TTLL12: variants seen among roughly 807,000 people sequenced by gnomAD.
TTLL12 encodes the protein tubulin tyrosine ligase like 12.
TTLL12 carries 77 observed loss-of-function variants against 79.6 expected under a neutral mutation model. The ratio of observed to expected loss-of-function variants is 0.97; its 90% CI spans 0.81 to 1.17. The LOEUF is 1.17. Among genes scored for constraint, TTLL12 ranks in the 50% most tolerant of loss-of-function variants. The pLI is 0.00. For synonymous variants in TTLL12, 437 were observed against 376.1 expected (o/e 1.16, Z -1.87); for missense variants, 969 against 895.9 (o/e 1.08, Z -1.04).
rs1313728642 is a variant in TTLL12 at position 43,172,570 on chromosome 22, G to A, written c.1342-16C>T. 3 of 1,613,888 alleles carry A rather than the reference G, an allele frequency of 1.9e-6. No individual in the cohort carries two copies. Among genetic ancestry groups the A allele is most frequent in the East Asian group, 4.5e-5 (2 of 44,882 alleles). On this transcript the variant is annotated splice_polypyrimidine_tract_variant and intron_variant, in intron 9 of 13. Coordinates refer to ENST00000216129, the MANE Select transcript of TTLL12 (RefSeq NM_015140.4). ...TGGACACAACCTGGAGGACACAGGT[G>A]CAAGCTCGCTGGTGGCCAGGACAGA...
chr22:43,184,853 A>G (rs747995003), intron 1 of TTLL12, among the ~76,000 whole-genome samples: 77 of 152,222 alleles, frequency 5.1e-4, no homozygotes, highest in Non-Finnish European at 8.5e-4. Context: ...CCTTCATGGC[A>G]GGACTGGAAG....
chr22:43,178,260 AGCCCACCCCTGCAATCAGCAGC>A (rs765567441), intron 5 of TTLL12, among the ~76,000 whole-genome samples: 2 of 134,484 alleles, frequency 1.5e-5, no homozygotes, highest in African/African-American at 2.7e-5. Flanking sequence ...CCCCACCCAC[AGCCCACCCCTGCAATCAGCAGC>A]GCCCACACAA....
intron 5 of TTLL12, among the ~76,000 whole-genome samples, chr22:43,178,676 G>A (rs1250344215): frequency 1.3e-5 from 2 of 152,218 alleles, no homozygotes; most frequent in East Asian, 1.9e-4. Context: ...GAAACCCTCC[G>A]AGGCACTTAG....
Position 43,183,029 on chromosome 22 carries a change from T to TCTACA in TTLL12, c.297_298insTGTAG (p.Lys100CysfsTer6). 6.2e-7 allele frequency: 1 copy of TCTACA among 1,613,990 alleles called. No homozygotes were observed. Among genetic ancestry groups the TCTACA allele is most frequent in the Non-Finnish European group, 8.5e-7 (1 of 1,179,976 alleles). ...CCGCTCTCCCTGGTCACGATGACCT[T>TCTACA]GTAGCACAGCTCGTTCCCCGGGTTG... On this transcript the variant is annotated frameshift_variant, in exon 2 of 14. Transcript: ENST00000216129. LOFTEE classifies it high-confidence loss of function.
rs1455192892 is a variant in TTLL12 at position 43,172,387 on chromosome 22, C to A, written c.1493+16G>T. ...CCCAGCTCCCCGACCCTGGACCCAG[C>A]CGGCCCTCCACTTACCGGTTGGAGA... On this transcript the variant is annotated intron_variant, in intron 10 of 13. Coordinates refer to ENST00000216129, the MANE Select transcript of TTLL12 (RefSeq NM_015140.4). The A allele has an allele frequency of 6.2e-7, 1 of 1,613,236 alleles. No individual in the cohort carries two copies. Among genetic ancestry groups the A allele is most frequent in the Non-Finnish European group, 8.5e-7 (1 of 1,179,312 alleles).
In TTLL12 at chr22:43,174,344, A is replaced by T. The variant is rs1484515647; in HGVS notation, c.1094T>A (p.Leu365Gln). ...LLNQFPCENL[L>Q]TVKDCLASIA... is the part of the protein sequence containing the mutation. Reference sequence around the variant, plus strand: ...GGAGGCCAGGCAGTCCTTGACAGTCAGCAGGTTCTCGCAGGGGAACTGGTT... The same window carrying T: ...GGAGGCCAGGCAGTCCTTGACAGTCTGCAGGTTCTCGCAGGGGAACTGGTT... Residue 365 changes from leucine (L) to glutamine (Q), a missense_variant, in exon 8 of 14, where the codon CTG becomes CAG. Coordinates refer to ENST00000216129, the MANE Select transcript of TTLL12 (RefSeq NM_015140.4). The T allele has an allele frequency of 1.9e-6, 3 of 1,599,900 alleles. No individual in the cohort carries two copies. Among genetic ancestry groups the T allele is most frequent in the Non-Finnish European group, 2.6e-6 (3 of 1,171,328 alleles).
At chr22:43,168,625 G>A (rs1198947674) in intron 13 of TTLL12, 149 bp downstream of exon 13, 3 of 1,169,492 alleles carry the variant, frequency 2.6e-6, no homozygotes, top group South Asian at 2.9e-5. Flanking sequence ...ACTTCCTGTG[G>A]GCCAAGCCAG....
At chr22:43,179,491 T>G in intron 5 of TTLL12, 128 bp downstream of exon 5, 1 of 1,326,738 alleles carries the variant, frequency 7.5e-7, no homozygotes, top group Non-Finnish European at 9.9e-7. Flanking sequence ...CCCAAAACTC[T>G]ATGCCTCCCA....
rs151316744 is a variant in TTLL12, at chr22:43,167,177, G to A, written c.*831C>T. The A allele has an allele frequency of 5.3e-5, 28 of 531,724 alleles. No homozygotes were observed. In the East Asian group the frequency reaches 8.7e-4, roughly 17 times the overall value. 32.9% of individuals were successfully genotyped at this position (531,724 alleles called of 1,614,324 possible). On this transcript the variant is annotated 3_prime_UTR_variant, in exon 14 of 14. Transcript: ENST00000216129. ...ATCCTTTTCTGTCTGGCGCTCCACC[G>A]CCCACAATCAGCCCCAGCCCCAGGC... is the stretch of plus-strand genomic sequence containing the variant.
Position 43,174,552 on chromosome 22 carries a change from C to T in TTLL12, c.981G>A (p.Gln327=), listed in dbSNP as rs761839317. ...SLTHPRFTLT[Q]SEADADILFN... is the part of the protein sequence containing the mutation. The stretch of plus-strand genomic sequence containing the variant: ...AGAGGATGTCGGCGTCCGCCTCACT[C>T]TGGGTGAGGGTGAAGCGCGGGTGGG... The change falls in exon 7 of 14, where the codon CAG becomes CAA. Residue 327 remains glutamine, a synonymous_variant. Coordinates refer to ENST00000216129, the MANE Select transcript of TTLL12 (RefSeq NM_015140.4). 5.0e-6 allele frequency: 8 copies of T among 1,613,410 alleles called. No homozygotes were observed. The Admixed American group carries it at 1.2e-4, about 24-fold the overall frequency.
Position 43,167,094 on chromosome 22 carries a change from A to G in TTLL12, c.*914T>C. On this transcript the variant is annotated 3_prime_UTR_variant, in exon 14 of 14. Coordinates refer to ENST00000216129, the MANE Select transcript of TTLL12 (RefSeq NM_015140.4). ...CATTAAAAAATAAGAAAAAGCCAAC[A>G]TTTTGACTGTAGACCCTGGTAGGTG... 1 of 452,456 alleles carries G rather than the reference A, an allele frequency of 2.2e-6. No homozygotes were observed. The highest frequency in any genetic ancestry group is 1.7e-5 in the South Asian group (1 of 59,968). The allele number at this position is 452,456 out of a possible 1,614,324, so 28.0% of individuals were successfully genotyped here. A position where few individuals can be genotyped will look rare whatever the true frequency, so the allele number is the denominator to read the frequency against.
At chr22:43,177,790 C>T (rs1931953079) in intron 5 of TTLL12, among the ~76,000 whole-genome samples, 1 of 152,224 alleles carries the variant, frequency 6.6e-6, no homozygotes, top group African/African-American at 2.4e-5. Context: ...TTGAGCCACT[C>T]CTGAACTCCT....
At chr22:43,186,198 C>CG (rs953814883) in intron 1 of TTLL12, among the ~76,000 whole-genome samples, 3 of 148,576 alleles carry the variant, frequency 2.0e-5, no homozygotes, top group South Asian at 2.2e-4. Flanking sequence ...CACCCCCCCC[C>CG]CCGCCAGCCC....
rs1023440962 is a variant in TTLL12, at chr22:43,186,197, C to A, written c.177+696G>T. Among the ~76,000 whole-genome samples, 3 of 148,340 alleles carry A rather than the reference C, an allele frequency of 2.0e-5. 1 individual carries two copies. The highest frequency in any genetic ancestry group is 3.9e-4 in the East Asian group (2 of 5,136). ...TCCCAGCTAAAGAAAACACCCCCCC[C>A]CCCGCCAGCCCGGGAAGGTGCTGTG... On this transcript the variant is annotated intron_variant, in intron 1 of 13. Transcript: ENST00000216129.
chr22:43,170,671 G>A (rs1407291108), intron 11 of TTLL12, among the ~76,000 whole-genome samples: 2 of 152,210 alleles, frequency 1.3e-5, no homozygotes, highest in African/African-American at 4.8e-5. Context: ...AGCACTTTAG[G>A]AGGCTGAGGC....
chr22:43,168,970 G>C (rs1350922484), intron 12 of TTLL12, 58 bp from the exon 13 acceptor site: 23 of 1,541,898 alleles, frequency 1.5e-5, no homozygotes, highest in Non-Finnish European at 1.9e-5. Flanking sequence ...TCAAGAGGGG[G>C]TCTGCTGCCC....
intron 6 of TTLL12, among the ~76,000 whole-genome samples, chr22:43,175,011 C>G (rs1931867691): frequency 6.6e-6 from 1 of 152,260 alleles, no homozygotes; most frequent in African/African-American, 2.4e-5. Flanking sequence ...GGCCTCTGCC[C>G]CAGAGGAGGT....
Position 43,180,836 on chromosome 22 carries a change from A to G in TTLL12, c.452T>C (p.Ile151Thr), listed in dbSNP as rs1284828133. ...ACTGGGCAGCTCACCGTGGAACTCA[A>G]TGCCCATCAGGTTGGCCATGCGGTG... ...LLHRMANLMG[I>T]EFHGELPSTE... The change falls in exon 3 of 14, where the codon ATT becomes ACT. Residue 151 changes from isoleucine (I) to threonine (T), a missense_variant. Physicochemically the swap from Ile to Thr is moderately conservative, Grantham distance 89 (BLOSUM62 -1). Coordinates refer to ENST00000216129, the MANE Select transcript of TTLL12 (RefSeq NM_015140.4). 1.2e-6 allele frequency: 2 copies of G among 1,613,152 alleles called. No individual in the cohort carries two copies. Among genetic ancestry groups the G allele is most frequent in the Non-Finnish European group, 1.7e-6 (2 of 1,179,974 alleles).
At position 43,167,312 on chromosome 22, in the gene TTLL12, T is replaced by A; in HGVS notation, c.*696A>T. ...ACAGATACTGATTTCCCTGTTGGGG[T>A]CTGTGACCCTCAGCAAACGAAAAGG... On this transcript the variant is annotated 3_prime_UTR_variant, in exon 14 of 14. Transcript: ENST00000216129. 5 of 413,600 alleles carry A rather than the reference T, an allele frequency of 1.2e-5. No individual in the cohort carries two copies. The highest frequency in any genetic ancestry group is 3.6e-4 in the Middle Eastern group (1 of 2,766). The allele number at this position is 413,600 out of a possible 1,614,324, so 25.6% of individuals were successfully genotyped here. A position where few individuals can be genotyped will look rare whatever the true frequency, so the allele number is the denominator to read the frequency against.
Sources: gnomAD v4.1 joint callset for allele counts (sites outside exome capture counted in the v4.1 genomes callset) on GRCh38, gnomAD v4.1.1 for gene constraint, MANE v1.5 for transcripts, NCBI Gene and HGNC (gene_info 2026-07-23, HGNC 2026-07-21) for gene names.